Variants in ELL observed in about 807,000 individuals in gnomAD.
The protein encoded by ELL is RNA polymerase II elongation factor ELL.
In ELL, 18 loss-of-function variants were observed where a neutral mutation model predicts 64.0. That is an observed-to-expected ratio of 0.28 (90% CI 0.19 to 0.42). The LOEUF (loss-of-function observed/expected upper bound fraction) is 0.42, where lower values mean the gene tolerates loss of function less well. Ranked by LOEUF, ELL falls within the 10% of genes least tolerant of loss-of-function variation. The probability of loss-of-function intolerance (pLI) is 1.00; values close to 1 mark genes in which losing one functional copy is unlikely to be tolerated. For synonymous variants in ELL, 399 were observed against 376.2 expected (o/e 1.06, Z -0.70); for missense variants, 797 against 870.4 (o/e 0.92, Z 1.06).
intron 1 of ELL, among the ~76,000 whole-genome samples, chr19:18,496,459 C>T (rs1310532214): frequency 6.6e-6 from 1 of 152,230 alleles, no homozygotes; most frequent in Admixed American, 6.5e-5. Flanking sequence ...TCCTCTACTT[C>T]CTGTGGTAAC....
At chr19:18,450,410 T>G in intron 8 of ELL, 67 bp downstream of exon 8, 79 of 1,569,690 alleles carry the variant, frequency 5.0e-5, no homozygotes, top group Non-Finnish European at 6.4e-5. Flanking sequence ...CGACACCCCA[T>G]GAGGGTGAGG....
chr19:18,469,060 C>T (rs1187081144), intron 2 of ELL, among the ~76,000 whole-genome samples: 1 of 152,186 alleles, frequency 6.6e-6, no homozygotes, highest in Non-Finnish European at 1.5e-5. Context: ...GTGCAGAGCC[C>T]AGGGCCAGGT....
intron 6 of ELL, among the ~76,000 whole-genome samples, chr19:18,453,555 C>G (rs1974587145): frequency 6.6e-6 from 1 of 152,042 alleles, no homozygotes; most frequent in South Asian, 2.1e-4. Context: ...TCACACACAC[C>G]CAGGGATGAC....
In ELL at chr19:18,461,719, C is replaced by T; in HGVS notation, c.603G>A (p.Gly201=). The T allele has an allele frequency of 6.2e-7, 1 of 1,613,762 alleles. No individual in the cohort carries two copies. Among genetic ancestry groups the T allele is most frequent in the Non-Finnish European group, 8.5e-7 (1 of 1,179,962 alleles). The change falls in exon 5 of 12, where the codon GGG becomes GGA. Residue 201 remains glycine, a synonymous_variant. Coordinates refer to ENST00000262809, the MANE Select transcript of ELL (RefSeq NM_006532.4). ...GGTCACGGAAGGGCCTCTGGGACAC[C>T]CCGCTGCCCCCACTCACGGCACTGG... ...SGASAVSGGS[G]VSQRPFRDRV...
chr19:18,518,482 C>G (rs1022066507), intron 1 of ELL, among the ~76,000 whole-genome samples: 3 of 143,784 alleles, frequency 2.1e-5, no homozygotes, highest in African/African-American at 7.9e-5. Flanking sequence ...GGAGCAAAAC[C>G]CTGTCTCAAA....
chr19:18,462,495 C>T (rs1292512162), intron 4 of ELL, among the ~76,000 whole-genome samples: 1 of 151,866 alleles, frequency 6.6e-6, no homozygotes, highest in African/African-American at 2.4e-5. Context: ...GCGATCCTCC[C>T]ACCTCAGCCT....
chr19:18,488,545 CA>C (rs1376964210), intron 1 of ELL, among the ~76,000 whole-genome samples: 11 of 152,208 alleles, frequency 7.2e-5, no homozygotes, highest in Non-Finnish European at 1.6e-4. Flanking sequence ...ATGCTCCCAG[CA>C]TCCACGGGGC....
chr19:18,452,318 C>T (rs978753610), intron 6 of ELL, among the ~76,000 whole-genome samples: 16 of 152,160 alleles, frequency 1.1e-4, no homozygotes, highest in African/African-American at 2.4e-4. Flanking sequence ...AGTCCAGGGC[C>T]GTGGCCATTC....
intron 2 of ELL, among the ~76,000 whole-genome samples, chr19:18,467,605 C>A (rs2144922933): frequency 1.7e-5 from 2 of 119,728 alleles, no homozygotes; most frequent in South Asian, 3.0e-4. Flanking sequence ...ACAGAGAAAC[C>A]CTCCCCACCC....
intron 1 of ELL, among the ~76,000 whole-genome samples, chr19:18,495,078 G>A (rs1276131678): frequency 6.6e-6 from 1 of 152,192 alleles, no homozygotes; most frequent in Non-Finnish European, 1.5e-5. Context: ...ATGTGGCCCT[G>A]CCCATTCAGA....
intron 1 of ELL, among the ~76,000 whole-genome samples, chr19:18,479,095 T>C (rs1172109385): frequency 6.6e-6 from 1 of 152,062 alleles, no homozygotes; most frequent in African/African-American, 2.4e-5. Flanking sequence ...GAGTGACCAG[T>C]TTACAGGAAG....
intron 1 of ELL, among the ~76,000 whole-genome samples, chr19:18,484,159 G>C (rs1975363501): frequency 6.6e-6 from 1 of 152,196 alleles, no homozygotes; most frequent in Non-Finnish European, 1.5e-5. Context: ...CAGTGTGATG[G>C]GCACAGAATC....
chr19:18,468,007 AC>A (rs1974986467), intron 2 of ELL, among the ~76,000 whole-genome samples: 1 of 143,748 alleles, frequency 7.0e-6, no homozygotes, highest in Non-Finnish European at 1.5e-5. Context: ...ACACACAAAC[AC>A]AACCCACACA....
intron 6 of ELL, among the ~76,000 whole-genome samples, chr19:18,456,180 G>A (rs1039522956): frequency 4.6e-5 from 7 of 152,172 alleles, no homozygotes; most frequent in African/African-American, 1.7e-4. Flanking sequence ...GTGGTGTGCA[G>A]TAGGATAGGC....
chr19:18,481,099 C>G (rs539995376), intron 1 of ELL, among the ~76,000 whole-genome samples: 1 of 152,292 alleles, frequency 6.6e-6, no homozygotes, highest in African/African-American at 2.4e-5. Context: ...CTGAGCAGGC[C>G]ACCTTCCTTT....
chr19:18,481,323 A>G (rs1975295353), intron 1 of ELL, among the ~76,000 whole-genome samples: 1 of 152,204 alleles, frequency 6.6e-6, no homozygotes, highest in Non-Finnish European at 1.5e-5. Flanking sequence ...TGGGGGCCAG[A>G]AGTCTGAAAT....
At position 18,456,424 on chromosome 19, in the gene ELL, G is replaced by A. The variant is rs188176866; in HGVS notation, c.869+1781C>T. ...GCCGGCTCAGCAGGACCATCGTCTG[G>A]GCATGAAGATGTGGCCAGCAGTCCT... On this transcript the variant is annotated intron_variant, in intron 6 of 11. Transcript: ENST00000262809. Among the ~76,000 whole-genome samples the A allele has an allele frequency of 3.7e-4, 56 of 152,326 alleles. No individual in the cohort carries two copies. In the East Asian group the frequency reaches 8.1e-3, roughly 22 times the overall value.
chr19:18,497,250 G>A (rs754999985), intron 1 of ELL, among the ~76,000 whole-genome samples: 11 of 152,198 alleles, frequency 7.2e-5, no homozygotes, highest in Non-Finnish European at 1.2e-4. Context: ...AAAAGCATAC[G>A]ACTAAATCAG....
chr19:18,450,448 CG>C, intron 8 of ELL, 28 bp downstream of exon 8: 1 of 1,603,160 alleles, frequency 6.2e-7, no homozygotes, highest in Non-Finnish European at 8.5e-7. Flanking sequence ...CTTAGAGCCC[CG>C]GCAACGCCCT....
Sources: allele counts gnomAD v4.1 joint callset (sites outside exome capture counted in the v4.1 genomes callset), GRCh38; gene constraint gnomAD v4.1.1; transcripts MANE v1.5; gene names NCBI Gene and HGNC (gene_info 2026-07-23, HGNC 2026-07-21).